The following TENM4 variants were observed in gnomAD, a reference collection of about 807,000 sequenced individuals.
TENM4 encodes teneurin-4.
In TENM4, 82 loss-of-function variants were observed where a neutral mutation model predicts 243.3. The ratio of observed to expected loss-of-function variants is 0.34; its 90% confidence interval spans 0.28 to 0.40. The LOEUF is 0.40. Ranked by LOEUF, TENM4 falls within the 10% of genes least tolerant of loss-of-function variation. The pLI is 1.00. For missense variants in TENM4, 3,138 were observed against 3,673.3 expected, an observed-to-expected ratio of 0.85 and a Z score of 3.77; for synonymous variants, 1,412 against 1,456.3, an observed-to-expected ratio of 0.97 and a Z score of 0.69.
chr11:78,929,219 A>T (rs1402700370), intron 6 of TENM4, among the ~76,000 whole-genome samples: 1 of 152,204 alleles, frequency 6.6e-6, no homozygotes, highest in African/African-American at 2.4e-5. Context: ...GATATTCCAG[A>T]CACTCAAGGA....
intron 33 of TENM4, among the ~76,000 whole-genome samples, chr11:78,659,154 GACA>G (rs1458538576): frequency 6.6e-6 from 1 of 152,196 alleles, no homozygotes; most frequent in Non-Finnish European, 1.5e-5. Context: ...AGACAGATAT[GACA>G]ACAATAATTG....
intron 15 of TENM4, among the ~76,000 whole-genome samples, chr11:78,788,822 T>C (rs1381295286): frequency 2.6e-5 from 4 of 152,202 alleles, no homozygotes; most frequent in East Asian, 1.9e-4. Flanking sequence ...TTTCCTCATC[T>C]GTTGCAGGTG....
chr11:79,336,232 A>G (rs1857146558), intron 1 of TENM4, among the ~76,000 whole-genome samples: 1 of 152,144 alleles, frequency 6.6e-6, no homozygotes, highest in Admixed American at 6.5e-5. Context: ...TAGAGCCCAA[A>G]TCATGTAGTC....
chr11:78,962,496 G>C (rs971002255), intron 6 of TENM4, among the ~76,000 whole-genome samples: 3 of 151,640 alleles, frequency 2.0e-5, no homozygotes, highest in Non-Finnish European at 4.4e-5. Context: ...TGCACACGTG[G>C]GCCGGGGGCG....
chr11:79,023,363 C>T (rs866445382), intron 6 of TENM4, among the ~76,000 whole-genome samples: 3 of 152,016 alleles, frequency 2.0e-5, no homozygotes, highest in Admixed American at 6.5e-5. Context: ...AGTTCAAGAC[C>T]AGCCTGGCCA....
intron 7 of TENM4, among the ~76,000 whole-genome samples, chr11:78,899,573 A>G (rs11237656): frequency 0.39 from 26,444 of 67,774 alleles, 5,740 homozygotes; most frequent in East Asian, 0.52. Flanking sequence ...GGGGGGGGGA[A>G]AAAGAAAAAA....
chr11:79,425,283 G>C (rs1375464466), intron 1 of TENM4, among the ~76,000 whole-genome samples: 1 of 152,114 alleles, frequency 6.6e-6, no homozygotes, highest in African/African-American at 2.4e-5. Context: ...CTCACCCCCT[G>C]CAGGAAGCTT....
intron 2 of TENM4, among the ~76,000 whole-genome samples, chr11:79,275,578 A>C (rs948910330): frequency 2.6e-5 from 4 of 151,802 alleles, no homozygotes; most frequent in Admixed American, 6.6e-5. Context: ...CCTTGTCTCC[A>C]CTCCCCAGGC....
chr11:79,050,423 A>G (rs1431788555), intron 6 of TENM4, among the ~76,000 whole-genome samples: 1 of 152,166 alleles, frequency 6.6e-6, no homozygotes, highest in Non-Finnish European at 1.5e-5. Flanking sequence ...AGAGTGAGAG[A>G]GAGACGCCTG....
intron 3 of TENM4, among the ~76,000 whole-genome samples, chr11:79,191,993 G>C (rs1301659829): frequency 6.6e-6 from 1 of 151,356 alleles, no homozygotes. Context: ...GGGAGGTGAG[G>C]GGCGCCTCTG....
intron 6 of TENM4, among the ~76,000 whole-genome samples, chr11:78,923,693 CTT>C (rs1172776088): frequency 2.2e-4 from 12 of 53,652 alleles, no homozygotes; most frequent in African/African-American, 5.9e-4. Flanking sequence ...ATGCACCTGG[CTT>C]TTTTTTTTTT....
At chr11:78,878,166 C>A (rs946378959) in intron 9 of TENM4, among the ~76,000 whole-genome samples, 1 of 152,148 alleles carries the variant, frequency 6.6e-6, no homozygotes, top group Non-Finnish European at 1.5e-5. Context: ...TTTTCTTTCT[C>A]CCCTCTCCAT....
chr11:79,306,105 C>T (rs1856622151), intron 1 of TENM4, among the ~76,000 whole-genome samples: 1 of 152,256 alleles, frequency 6.6e-6, no homozygotes, highest in African/African-American at 2.4e-5. Flanking sequence ...CTGCCCTAGC[C>T]TGTACCAGTC....
intron 4 of TENM4, among the ~76,000 whole-genome samples, chr11:79,101,630 G>T (rs1439672475): frequency 6.6e-6 from 1 of 152,188 alleles, no homozygotes; most frequent in African/African-American, 2.4e-5. Flanking sequence ...GATGCTCTGC[G>T]CCTCACTTTC....
At chr11:78,761,461 G>T (rs1454120890) in intron 18 of TENM4, among the ~76,000 whole-genome samples, 1 of 151,876 alleles carries the variant, frequency 6.6e-6, no homozygotes, top group African/African-American at 2.4e-5. Context: ...GGATGGTCTC[G>T]ATCTCCTGAC....
At chr11:78,829,825 A>AG (rs1857936680) in intron 12 of TENM4, among the ~76,000 whole-genome samples, 1 of 152,200 alleles carries the variant, frequency 6.6e-6, no homozygotes, top group South Asian at 2.1e-4. Flanking sequence ...GCTGTCCCCT[A>AG]GCTGGCCTTA....
rs544251504 is a variant in TENM4, at chr11:79,195,431, G to C, written c.-163+20377C>G. On this transcript the variant is annotated intron_variant, in intron 3 of 33. Coordinates refer to ENST00000278550, the MANE Select transcript of TENM4 (RefSeq NM_001098816.3). ...AACAACAGCCCGTGAAAGCAGCCAG[G>C]AGGAAGGCTGTACCCTGCAAAGCCA... Among the ~76,000 whole-genome samples the C allele has an allele frequency of 7.9e-5, 12 of 152,284 alleles. No homozygotes were observed. The South Asian group carries it at 2.5e-3, about 32-fold the overall frequency.
rs114777591 is a variant in TENM4 at position 79,376,265 on chromosome 11, T to C, written c.-321+64244A>G. ...GATGGAGGGATATGAGGCACAAAGA[T>C]AGTAGGTGAACTCAAAACAAGATCA... On this transcript the variant is annotated intron_variant, in intron 1 of 33. Transcript: ENST00000278550. 3.0e-3 allele frequency among the ~76,000 whole-genome samples: 464 copies of C among 152,318 alleles called. 2 individuals carry two copies. Among genetic ancestry groups the C allele is most frequent in the African/African-American group, 0.01 (436 of 41,580 alleles).
At chr11:78,861,526 C>T (rs138049577) in intron 10 of TENM4, among the ~76,000 whole-genome samples, 310 of 152,280 alleles carry the variant, frequency 2.0e-3, no homozygotes, top group African/African-American at 7.2e-3. Flanking sequence ...CATTTTAAGA[C>T]TTAAAATCTT....
Sources: allele counts gnomAD v4.1 joint callset (sites outside exome capture counted in the v4.1 genomes callset), GRCh38; gene constraint gnomAD v4.1.1; transcripts MANE v1.5; gene names NCBI Gene and HGNC (gene_info 2026-07-23, HGNC 2026-07-21).